ATP5MK: variants seen among roughly 807,000 people sequenced by gnomAD.
The protein encoded by ATP5MK is ATP synthase F(0) complex subunit k, mitochondrial.
A neutral mutation model predicts 6.6 loss-of-function variants in ATP5MK; 5 were observed. That is an observed-to-expected ratio of 0.76 (90% CI 0.40 to 1.60). The LOEUF (loss-of-function observed/expected upper bound fraction) is 1.60, where lower values mean the gene tolerates loss of function less well. Among genes scored for constraint, ATP5MK ranks in the 40% most tolerant of loss-of-function variants. The pLI, the probability that ATP5MK is intolerant of heterozygous loss-of-function variation, is 0.02. For synonymous variants in ATP5MK, 30 were observed against 24.5 expected, an observed-to-expected ratio of 1.22 and a Z score of -0.66; for missense variants, 57 against 66.6, an observed-to-expected ratio of 0.86 and a Z score of 0.50.
chr10:103,390,621 T>C (rs1164897933), intron 4 of ATP5MK, among the ~76,000 whole-genome samples: 1 of 152,038 alleles, frequency 6.6e-6, no homozygotes, highest in African/African-American at 2.4e-5. Flanking sequence ...AAACCCCGTC[T>C]CTACTAAAAA....
In ATP5MK at chr10:103,393,111, G is replaced by A. The variant is rs74871809; in HGVS notation, c.-9-645C>T. 6.8e-3 allele frequency among the ~76,000 whole-genome samples: 1,030 copies of A among 151,858 alleles called. 13 individuals carry two copies. Among genetic ancestry groups the A allele is most frequent in the African/African-American group, 0.023 (973 of 41,414 alleles). On this transcript the variant is annotated intron_variant, in intron 2 of 4. Transcript: ENST00000369815. Reference sequence around the variant, plus strand: ...GAAATATTTAAGTCATCTCAGGGAAGGGAAAATATTAAGAAAAAAAGCCAA... The same window carrying A: ...GAAATATTTAAGTCATCTCAGGGAAAGGAAAATATTAAGAAAAAAAGCCAA...
intron 4 of ATP5MK, among the ~76,000 whole-genome samples, chr10:103,391,461 A>C (rs980430647): frequency 3.9e-5 from 6 of 152,232 alleles, no homozygotes; most frequent in African/African-American, 1.4e-4. Context: ...ACCAAACAAA[A>C]TACATGTAAC....
At chr10:103,393,638 G>T (rs1021787830) in intron 2 of ATP5MK, among the ~76,000 whole-genome samples, 10 of 151,886 alleles carry the variant, frequency 6.6e-5, no homozygotes, top group African/African-American at 2.4e-4. Context: ...TTCAGAAAGT[G>T]CAAGTTGGCA....
chr10:103,392,622 T>C (rs1271694973), intron 2 of ATP5MK, among the ~76,000 whole-genome samples, 156 bp from the exon 3 acceptor site: 1 of 142,198 alleles, frequency 7.0e-6, no homozygotes, highest in Non-Finnish European at 1.6e-5. Flanking sequence ...GTAGCAAAGA[T>C]GGTGGAAAAA....
rs141252484 is a variant in ATP5MK, at chr10:103,390,150, G to A, written c.*4-984C>T. On this transcript the variant is annotated intron_variant, in intron 4 of 4. Transcript: ENST00000369815. ...ATAAGCCAGTGATCACTGCATTCTC[G>A]GATATGCACTCCCTAAGGTCAACTG... Among the ~76,000 whole-genome samples the A allele has an allele frequency of 3.5e-4, 53 of 152,232 alleles. No homozygotes were observed. The East Asian group carries it at 8.7e-3, about 25-fold the overall frequency.
intron 4 of ATP5MK, among the ~76,000 whole-genome samples, chr10:103,391,124 T>A (rs1419260711): frequency 6.6e-6 from 1 of 152,150 alleles, no homozygotes; most frequent in Non-Finnish European, 1.5e-5. Flanking sequence ...CAGAAAAACA[T>A]GCCCTTCAAA....
intron 2 of ATP5MK, among the ~76,000 whole-genome samples, chr10:103,393,942 A>G (rs1441789680): frequency 6.6e-6 from 1 of 152,232 alleles, no homozygotes; most frequent in African/African-American, 2.4e-5. Context: ...GATTTTATAA[A>G]GCACGTCAAT....
chr10:103,395,600 T>A (rs1324638735), intron 2 of ATP5MK, 146 bp downstream of exon 2: 3 of 152,344 alleles, frequency 2.0e-5, no homozygotes, highest in African/African-American at 7.2e-5. Context: ...GCCCGGCCAC[T>A]AACTGCTCTT....
At chr10:103,391,073 A>G (rs2093413203) in intron 4 of ATP5MK, among the ~76,000 whole-genome samples, 1 of 152,264 alleles carries the variant, frequency 6.6e-6, no homozygotes, top group Non-Finnish European at 1.5e-5. Context: ...AAACATGTAT[A>G]GAATGAATTG....
chr10:103,394,592 AGAGACCTTG>A (rs1306686558), intron 2 of ATP5MK, among the ~76,000 whole-genome samples: 1 of 152,198 alleles, frequency 6.6e-6, no homozygotes. Context: ...AGGCCTCTTC[AGAGACCTTG>A]GCCAGTCTAG....
At chr10:103,393,592 AAT>A (rs943883780) in intron 2 of ATP5MK, among the ~76,000 whole-genome samples, 3 of 151,224 alleles carry the variant, frequency 2.0e-5, no homozygotes, top group African/African-American at 7.3e-5. Flanking sequence ...AAAAAAAAAA[AAT>A]AAATAAATAA....
chr10:103,394,194 AGTACCTGT>A, intron 2 of ATP5MK: 3 of 483,484 alleles, frequency 6.2e-6, no homozygotes, highest in South Asian at 4.5e-5. Flanking sequence ...CTTAATCTAT[AGTACCTGT>A]GTATTTTACA....
chr10:103,395,011 T>C (rs1233334083), intron 2 of ATP5MK, among the ~76,000 whole-genome samples: 1 of 152,134 alleles, frequency 6.6e-6, no homozygotes, highest in Non-Finnish European at 1.5e-5. Flanking sequence ...GAAGACTAAT[T>C]CTGATTGCAG....
intron 2 of ATP5MK, among the ~76,000 whole-genome samples, chr10:103,395,217 G>A (rs2093428242): frequency 1.3e-5 from 2 of 152,152 alleles, no homozygotes; most frequent in Non-Finnish European, 2.9e-5. Context: ...AAAGATAAAG[G>A]AACCCTTGTG....
chr10:103,391,524 TGA>T (rs896892143), intron 4 of ATP5MK, among the ~76,000 whole-genome samples: 2 of 152,188 alleles, frequency 1.3e-5, no homozygotes, highest in African/African-American at 4.8e-5. Context: ...CTTTTTTTTT[TGA>T]GACAAAGTCT....
chr10:103,392,545 T>A, intron 2 of ATP5MK, 79 bp from the exon 3 acceptor site: 1 of 1,110,316 alleles, frequency 9.0e-7, no homozygotes, highest in Non-Finnish European at 1.3e-6. Context: ...CTTGTTTTAG[T>A]CTAAAAACTC....
intron 2 of ATP5MK, among the ~76,000 whole-genome samples, chr10:103,393,166 CAAAG>C (rs1409145895): frequency 6.6e-6 from 1 of 151,930 alleles, no homozygotes; most frequent in African/African-American, 2.4e-5. Context: ...ACCTATTAGT[CAAAG>C]AAATGTAAAA....
At chr10:103,389,443 C>T (rs2093407087) in intron 4 of ATP5MK, among the ~76,000 whole-genome samples, 1 of 152,168 alleles carries the variant, frequency 6.6e-6, no homozygotes, top group Admixed American at 6.5e-5. Flanking sequence ...CTGCCTCAGC[C>T]TCCCAAGTAG....
Position 103,392,272 on chromosome 10 carries a change from G to C in ATP5MK, c.99C>G (p.Ala33=). ...TLTGRMNCVL[A]TYGSIALIVL... ...CAATCAATGCAATGCTTCCATATGT[G>C]GCCAGTACACACTGAGAAAGAAAGA... The change falls in exon 4 of 5, where the codon GCC becomes GCG. Residue 33 remains alanine, a synonymous_variant. Transcript: ENST00000369815. 1 of 1,611,802 alleles carries C rather than the reference G, an allele frequency of 6.2e-7. No individual in the cohort carries two copies. The highest frequency in any genetic ancestry group is 8.5e-7 in the Non-Finnish European group (1 of 1,179,416).
Sources: gnomAD v4.1 joint callset for allele counts (sites outside exome capture counted in the v4.1 genomes callset) on GRCh38, gnomAD v4.1.1 for gene constraint, MANE v1.5 for transcripts, NCBI Gene and HGNC (gene_info 2026-07-23, HGNC 2026-07-21) for gene names.